The following F13A1 variants were observed in gnomAD, a reference collection of about 807,000 sequenced individuals.
The protein encoded by F13A1 is coagulation factor XIII A chain.
Under a neutral mutation model 80.1 loss-of-function variants are expected in F13A1, and 47 were observed. The ratio of observed to expected loss-of-function variants is 0.59; its 90% CI spans 0.46 to 0.75. The LOEUF (loss-of-function observed/expected upper bound fraction) is 0.75, where lower values mean the gene tolerates loss of function less well. Among genes scored for constraint, F13A1 ranks in the 30% least tolerant of loss-of-function variants. The pLI is 0.00. For missense variants in F13A1, 817 were observed against 930.4 expected (o/e 0.88, Z 1.59); for synonymous variants, 349 against 344.9 (o/e 1.01, Z -0.13).
chr6:6,257,130 A>G (rs2113111251), intron 4 of F13A1, among the ~76,000 whole-genome samples: 1 of 152,320 alleles, frequency 6.6e-6, no homozygotes, highest in South Asian at 2.1e-4. Flanking sequence ...AAAAGAGGAA[A>G]GATTCATGCT....
intron 6 of F13A1, among the ~76,000 whole-genome samples, chr6:6,244,912 G>A (rs1757534219): frequency 6.6e-6 from 1 of 152,152 alleles, no homozygotes; most frequent in Non-Finnish European, 1.5e-5. Context: ...GAGTGAGTTA[G>A]GAAGACAGAT....
chr6:6,248,037 G>A (rs1052502708), intron 6 of F13A1, among the ~76,000 whole-genome samples: 13 of 152,116 alleles, frequency 8.5e-5, no homozygotes, highest in Non-Finnish European at 1.8e-4. Context: ...CTAGGCAAGG[G>A]GTTCTTAAGA....
intron 14 of F13A1, among the ~76,000 whole-genome samples, chr6:6,146,711 A>G (rs1331845759): frequency 6.6e-6 from 1 of 152,238 alleles, no homozygotes; most frequent in Non-Finnish European, 1.5e-5. Flanking sequence ...TCAAGATCAC[A>G]TAATTGGTAA....
chr6:6,180,545 T>C (rs1760961698), intron 11 of F13A1, among the ~76,000 whole-genome samples: 1 of 152,266 alleles, frequency 6.6e-6, no homozygotes, highest in Non-Finnish European at 1.5e-5. Context: ...CCAAACCTTT[T>C]TTTGCTTATA....
intron 4 of F13A1, among the ~76,000 whole-genome samples, chr6:6,263,129 C>G (rs1263396529): frequency 6.6e-6 from 1 of 152,234 alleles, no homozygotes; most frequent in African/African-American, 2.4e-5. Flanking sequence ...AACACCCACT[C>G]TCTCTTGTCT....
intron 6 of F13A1, among the ~76,000 whole-genome samples, chr6:6,226,109 GT>G (rs958347336): frequency 2.0e-5 from 3 of 152,190 alleles, no homozygotes; most frequent in African/African-American, 7.2e-5. Flanking sequence ...CATCTTGCCA[GT>G]TTTTTTCTGG....
At chr6:6,251,775 C>T (rs781730247) in intron 4 of F13A1, among the ~76,000 whole-genome samples, 12 of 152,310 alleles carry the variant, frequency 7.9e-5, no homozygotes, top group South Asian at 4.1e-4. Flanking sequence ...TAGAATGTCA[C>T]GATCTTGCAA....
At chr6:6,319,933 G>A (rs1758748087) in intron 1 of F13A1, among the ~76,000 whole-genome samples, 1 of 152,202 alleles carries the variant, frequency 6.6e-6, no homozygotes, top group Admixed American at 6.5e-5. Flanking sequence ...AGAAGGCTGC[G>A]AGAGCCATCC....
chr6:6,262,584 C>T (rs754854772), intron 4 of F13A1, among the ~76,000 whole-genome samples: 5 of 152,080 alleles, frequency 3.3e-5, no homozygotes, highest in East Asian at 1.9e-4. Context: ...ACCCTCCCGG[C>T]ATGTCCCTGT....
chr6:6,317,325 G>C (rs1758699343), intron 2 of F13A1, among the ~76,000 whole-genome samples: 1 of 152,154 alleles, frequency 6.6e-6, no homozygotes, highest in Non-Finnish European at 1.5e-5. Context: ...TCAGTTCTGT[G>C]GCTGTCAAGG....
chr6:6,155,622 A>G (rs559808957), intron 13 of F13A1, among the ~76,000 whole-genome samples: 1 of 151,998 alleles, frequency 6.6e-6, no homozygotes, highest in African/African-American at 2.4e-5. Context: ...AACCAAACTA[A>G]ATGTAAAAAC....
intron 7 of F13A1, among the ~76,000 whole-genome samples, chr6:6,223,678 C>T (rs2113061407): frequency 6.6e-6 from 1 of 152,090 alleles, no homozygotes; most frequent in Non-Finnish European, 1.5e-5. Flanking sequence ...AAACAAAACT[C>T]ATGACTTTTT....
Position 6,174,987 on chromosome 6 carries a change from C to T in F13A1, c.1460-120G>A. ...TGTTTCTATAATACAAGCTTCAGAC[C>T]TCCCCAGGAGGAGGGTGCCGTCATT... On this transcript the variant is annotated intron_variant, in intron 11 of 14. Coordinates refer to ENST00000264870, the MANE Select transcript of F13A1 (RefSeq NM_000129.4). 3 of 1,223,756 alleles carry T rather than the reference C, an allele frequency of 2.5e-6. No homozygotes were observed. The Admixed American group carries it at 5.8e-5, about 24-fold the overall frequency. 75.8% of individuals were successfully genotyped at this position (1,223,756 alleles called of 1,614,324 possible).
At chr6:6,182,229 A>G (rs747935173) in intron 10 of F13A1, 88 bp from the exon 11 acceptor site, 7 of 1,433,912 alleles carry the variant, frequency 4.9e-6, no homozygotes, top group Non-Finnish European at 5.8e-6. Context: ...TCGTCTAGAG[A>G]TCTCTGGAGC....
chr6:6,176,939 C>T (rs1190812778), intron 11 of F13A1, among the ~76,000 whole-genome samples: 1 of 152,166 alleles, frequency 6.6e-6, no homozygotes, highest in Non-Finnish European at 1.5e-5. Context: ...TGGGGAAGCA[C>T]TGTCCTCTGT....
At chr6:6,268,725 G>A (rs1481269379) in intron 3 of F13A1, among the ~76,000 whole-genome samples, 1 of 135,802 alleles carries the variant, frequency 7.4e-6, no homozygotes, top group Non-Finnish European at 1.6e-5. Context: ...TTTCACTCTT[G>A]CCACCCAGGC....
intron 6 of F13A1, among the ~76,000 whole-genome samples, chr6:6,237,123 T>A (rs528798517): frequency 6.6e-6 from 1 of 152,182 alleles, no homozygotes; most frequent in Non-Finnish European, 1.5e-5. Flanking sequence ...TTCTCTTTTA[T>A]GTATTTGGAT....
chr6:6,314,395 G>T (rs1204583054), intron 2 of F13A1, among the ~76,000 whole-genome samples: 1 of 152,148 alleles, frequency 6.6e-6, no homozygotes, highest in Non-Finnish European at 1.5e-5. Context: ...CTGGTATGGT[G>T]TGATGCCTGC....
At chr6:6,247,493 T>C (rs190285071) in intron 6 of F13A1, among the ~76,000 whole-genome samples, 92 of 152,324 alleles carry the variant, frequency 6.0e-4, no homozygotes, top group African/African-American at 1.7e-3. Flanking sequence ...GTTGGGTACA[T>C]TGATATAATC....
Sources: gnomAD v4.1 joint callset for allele counts (sites outside exome capture counted in the v4.1 genomes callset) on GRCh38, gnomAD v4.1.1 for gene constraint, MANE v1.5 for transcripts, NCBI Gene and HGNC (gene_info 2026-07-23, HGNC 2026-07-21) for gene names.